PGAM2: variants seen among roughly 807,000 people sequenced by gnomAD.
The protein encoded by PGAM2 is BPG-dependent PGAM 2.
PGAM2 carries 23 observed loss-of-function variants against 22.5 expected under a neutral mutation model. The ratio of observed to expected loss-of-function variants is 1.02; its 90% CI spans 0.74 to 1.45. PGAM2 has a LOEUF of 1.45. Ranked by LOEUF, PGAM2 falls within the 40% of genes most tolerant of loss-of-function variation. PGAM2 has a pLI of 0.00. For synonymous variants in PGAM2, 133 were observed against 138.6 expected (o/e 0.96, Z 0.29); for missense variants, 349 against 356.2 (o/e 0.98, Z 0.16).
intron 2 of PGAM2, 196 bp from the exon 3 acceptor site, chr7:44,063,126 CCCAGTGGTG>C: frequency 1.6e-6 from 1 of 624,066 alleles, no homozygotes; most frequent in Admixed American, 2.4e-5. Flanking sequence ...ACAGAAATAG[CCCAGTGGTG>C]AAAAAAATGG....
At position 44,062,787 on chromosome 7, in the gene PGAM2, C is replaced by T. The variant is rs781204477; in HGVS notation, c.739G>A (p.Ala247Thr). 3 of 1,614,196 alleles carry T rather than the reference C, an allele frequency of 1.9e-6. No homozygotes were observed. The highest frequency in any genetic ancestry group is 1.6e-4 in the Middle Eastern group (1 of 6,062). ...CCTCACTTGGCCTTGCCCTGGGCAG[C>T]CACAGCCTCCATGGCCTTCCGCACC... ...ETVRKAMEAV[A>T]AQGKAK The change falls in exon 3 of 3, where the codon GCT becomes ACT. Residue 247 changes from alanine (A) to threonine (T), a missense_variant. By Grantham distance (58) the Ala-to-Thr change is moderately conservative. Coordinates refer to ENST00000297283, the MANE Select transcript of PGAM2 (RefSeq NM_000290.4).
rs1279915046 is a variant in PGAM2 at position 44,065,279 on chromosome 7, G to C, written c.251C>G (p.Thr84Ser). 33 of 1,613,584 alleles carry C rather than the reference G, an allele frequency of 2.0e-5. No individual in the cohort carries two copies. Among genetic ancestry groups the C allele is most frequent in the Non-Finnish European group, 2.8e-5 (33 of 1,180,052 alleles). ...GTAATGCCGCTCATTGAGGCGCCAA[G>C]TGCGCACCACAGGCAGCCACATCTG... The part of the protein sequence containing the change: ...TDQMWLPVVR[T>S]WRLNERHYGG... The change falls in exon 1 of 3, where the codon ACT (threonine) becomes AGT (serine). Residue 84 changes from threonine (T) to serine (S), a missense_variant. Transcript: ENST00000297283.
intron 2 of PGAM2, chr7:44,063,171 G>T: frequency 1.8e-6 from 1 of 557,806 alleles, no homozygotes; most frequent in Middle Eastern, 4.8e-4. Flanking sequence ...CCAAGTGGCT[G>T]TGATCTGTGG....
intron 2 of PGAM2, 154 bp from the exon 3 acceptor site, chr7:44,063,084 TCAAGGAGTAACTGAGTTAGAC>T: frequency 1.2e-6 from 1 of 803,588 alleles, no homozygotes; most frequent in Non-Finnish European, 2.1e-6. Flanking sequence ...TTGCCAAAGG[TCAAGGAGTAACTGAGTTAGAC>T]CAAGCAGCCT....
Position 44,062,907 on chromosome 7 carries a change from C to G in PGAM2, c.619G>C (p.Glu207Gln). 6.2e-7 allele frequency: 1 copy of G among 1,614,200 alleles called. No homozygotes were observed. The highest frequency in any genetic ancestry group is 8.5e-7 in the Non-Finnish European group (1 of 1,180,030). The stretch of plus-strand genomic sequence containing the variant: ...GGGATCCCCGTGGGCAGGTTCAGCT[C>G]CATGATCGCCTGGTCTGACATCCCT... ...LEGMSDQAIM[E>Q]LNLPTGIPIV... The change falls in exon 3 of 3, where the codon GAG becomes CAG. Residue 207 changes from glutamate (E) to glutamine (Q), a missense_variant. Glu to Gln is a conservative substitution (Grantham distance 29). Transcript: ENST00000297283.
chr7:44,064,797 A>AGCCCCCGCGCCCGGACGTGGC, intron 2 of PGAM2, 35 bp downstream of exon 2: 1 of 633,308 alleles, frequency 1.6e-6, no homozygotes, highest in Non-Finnish European at 2.8e-6. Flanking sequence ...GCTGCTGCCC[A>AGCCCCCGCGCCCGGACGTGGC]CCCACCCTGC....
chr7:44,063,082 G>T, intron 2 of PGAM2, 152 bp from the exon 3 acceptor site: 1 of 811,834 alleles, frequency 1.2e-6, no homozygotes, highest in Non-Finnish European at 2.1e-6. Context: ...TGTTGCCAAA[G>T]GTCAAGGAGT....
At chr7:44,065,060 C>T (rs781501546) in intron 1 of PGAM2, 48 bp from the exon 2 acceptor site, 9 of 1,610,308 alleles carry the variant, frequency 5.6e-6, no homozygotes, top group East Asian at 2.2e-5. Flanking sequence ...AGTGGGCCCC[C>T]ACCCGACTCC....
Position 44,065,477 on chromosome 7 carries a change from T to A in PGAM2, c.53A>T (p.Gln18Leu). 2 of 1,614,148 alleles carry A rather than the reference T, an allele frequency of 1.2e-6. No individual in the cohort carries two copies. Among genetic ancestry groups the A allele is most frequent in the Non-Finnish European group, 1.7e-6 (2 of 1,180,038 alleles). The change falls in exon 1 of 3, where the codon CAG (glutamine) becomes CTG (leucine). Residue 18 changes from glutamine to leucine, a missense_variant. Gln to Leu is a moderately radical substitution (Grantham distance 113). Coordinates refer to ENST00000297283, the MANE Select transcript of PGAM2 (RefSeq NM_000290.4). ...GAACCAGCCACAGAAACGGTTCTCC[T>A]GGTTCCATGTGCTCTCGCCGTGCCG... is the stretch of plus-strand genomic sequence containing the variant. ...MVRHGESTWN[Q>L]ENRFCGWFDA...
In PGAM2 at chr7:44,065,217, C is replaced by T. The variant is rs368364851; in HGVS notation, c.313G>A (p.Ala105Thr). Residue 105 changes from alanine (A) to threonine (T), a missense_variant, in exon 1 of 3, where the codon GCC becomes ACC. Physicochemically the swap from Ala to Thr is moderately conservative, Grantham distance 58 (BLOSUM62 0). Coordinates refer to ENST00000297283, the MANE Select transcript of PGAM2 (RefSeq NM_000290.4). ...LTGLNKAETA[A>T]KHGEEQVKIW... The stretch of plus-strand genomic sequence containing the variant: ...TTCACCTGCTCCTCCCCGTGCTTGG[C>T]GGCCGTTTCTGCCTTGTTGAGGCCT... The T allele has an allele frequency of 8.1e-6, 13 of 1,613,828 alleles. No homozygotes were observed. Among genetic ancestry groups the T allele is most frequent in the East Asian group, 4.5e-5 (2 of 44,888 alleles).
intron 2 of PGAM2, chr7:44,064,432 G>C: frequency 6.6e-6 from 2 of 302,584 alleles, no homozygotes; most frequent in Non-Finnish European, 6.4e-6. Context: ...GTACCAGGGG[G>C]AGCTCCCCAC....
intron 2 of PGAM2, 155 bp from the exon 3 acceptor site, chr7:44,063,085 C>CAAGG: frequency 1.3e-6 from 1 of 787,522 alleles, no homozygotes. Context: ...TGCCAAAGGT[C>CAAGG]AAGGAGTAAC....
intron 2 of PGAM2, chr7:44,064,088 C>T (rs945477749): frequency 6.6e-6 from 1 of 152,556 alleles, no homozygotes; most frequent in Non-Finnish European, 1.5e-5. Context: ...CAGGACTCAA[C>T]AAGCTTTAAG....
chr7:44,063,859 T>TG (rs765410168), intron 2 of PGAM2: 2 of 152,326 alleles, frequency 1.3e-5, no homozygotes, highest in Non-Finnish European at 2.9e-5. Context: ...CAAACCAGGC[T>TG]GTGGGAGGGT....
rs2096157837 is a variant in PGAM2, at chr7:44,065,369, A to G, written c.161T>C (p.Ile54Thr). ...AIKDAKMEFD[I>T]CYTSVLKRAI... ...CCGCTTCAGCACTGACGTGTAGCAGATGTCAAACTCCATCTTGGCATCCTT... is the reference window on the plus strand; with the variant it reads ...CCGCTTCAGCACTGACGTGTAGCAGGTGTCAAACTCCATCTTGGCATCCTT... The change falls in exon 1 of 3, where the codon ATC becomes ACC. Residue 54 changes from isoleucine (I) to threonine (T), a missense_variant. By Grantham distance (89) the Ile-to-Thr change is moderately conservative. Coordinates refer to ENST00000297283, the MANE Select transcript of PGAM2 (RefSeq NM_000290.4). The G allele has an allele frequency of 3.1e-6, 5 of 1,613,878 alleles. No individual in the cohort carries two copies. The highest frequency in any genetic ancestry group is 1.1e-5 in the South Asian group (1 of 91,090).
At chr7:44,065,081 GCTTCCCAGAGGC>G (rs1399273356) in intron 1 of PGAM2, 23 bp downstream of exon 1, 2 of 1,612,350 alleles carry the variant, frequency 1.2e-6, no homozygotes, top group Non-Finnish European at 1.7e-6. Flanking sequence ...CCACTCTGCA[GCTTCCCAGAGGC>G]CTTCCCAGCA....
In PGAM2 at chr7:44,064,879, A is replaced by G. The variant is rs2096156288; in HGVS notation, c.548T>C (p.Ile183Thr). ...PQIKAGKRVL[I>T]AAHGNSLRGI... ...CCGCAGGCTGTTCCCGTGGGCTGCAATGAGCACTCGCTTGCCGGCCTTGAT... is the reference window on the plus strand; with the variant it reads ...CCGCAGGCTGTTCCCGTGGGCTGCAGTGAGCACTCGCTTGCCGGCCTTGAT... The change falls in exon 2 of 3, where the codon ATT (isoleucine) becomes ACT (threonine). Residue 183 changes from isoleucine (I) to threonine (T), a missense_variant. Transcript: ENST00000297283. 1.2e-6 allele frequency: 2 copies of G among 1,611,108 alleles called. No individual in the cohort carries two copies. Among genetic ancestry groups the G allele is most frequent in the African/African-American group, 1.3e-5 (1 of 74,882 alleles).
chr7:44,064,792 T>TGGCCCCCCCCCCA, intron 2 of PGAM2, 40 bp downstream of exon 2: 4 of 1,279,334 alleles, frequency 3.1e-6, no homozygotes, highest in East Asian at 2.4e-5. Context: ...CTGGGGCTGC[T>TGGCCCCCCCCCCA]GCCCACCCAC....
intron 2 of PGAM2, chr7:44,064,607 G>A (rs563516582): frequency 3.6e-5 from 21 of 577,746 alleles, no homozygotes; most frequent in South Asian, 1.6e-4. Flanking sequence ...GGGACACAGC[G>A]AGCTTCGAGT....
Sources: gnomAD v4.1 joint callset for allele counts on GRCh38, gnomAD v4.1.1 for gene constraint, MANE v1.5 for transcripts, NCBI Gene and HGNC (gene_info 2026-07-23, HGNC 2026-07-21) for gene names.